The following PALS2 variants were observed in gnomAD, a reference collection of about 807,000 sequenced individuals.
PALS2 encodes the protein protein associated with LIN7 2, MAGUK p55 family member.
In PALS2, 27 loss-of-function variants were observed where a neutral mutation model predicts 61.6. That is an observed-to-expected ratio of 0.44 (90% CI 0.32 to 0.60). The LOEUF is 0.60. Ranked by LOEUF, PALS2 falls within the 20% of genes least tolerant of loss-of-function variation. The pLI is 0.05. For synonymous variants in PALS2, 236 were observed against 218.6 expected (o/e 1.08, Z -0.70); for missense variants, 554 against 639.4 (o/e 0.87, Z 1.44).
intron 1 of PALS2, among the ~76,000 whole-genome samples, chr7:24,595,459 ATAAATATATATAAATATG>A: frequency 7.2e-6 from 1 of 137,936 alleles, no homozygotes; most frequent in African/African-American, 2.7e-5. Flanking sequence ...TATAATATAT[ATAAATATATATAAATATG>A]TAAATATATA....
intron 1 of PALS2, among the ~76,000 whole-genome samples, chr7:24,586,765 A>G (rs892295018): frequency 2.0e-5 from 3 of 152,216 alleles, no homozygotes; most frequent in Admixed American, 6.5e-5. Context: ...AGAGAATGGT[A>G]GAAGAGGCTT....
At chr7:24,643,612 A>G (rs757407857) in intron 3 of PALS2, among the ~76,000 whole-genome samples, 4 of 152,124 alleles carry the variant, frequency 2.6e-5, no homozygotes, top group African/African-American at 4.8e-5. Context: ...GGTGGTTTGT[A>G]CATATAAGTG....
chr7:24,678,155 A>G (rs1034491103), intron 9 of PALS2, among the ~76,000 whole-genome samples: 1 of 152,214 alleles, frequency 6.6e-6, no homozygotes, highest in African/African-American at 2.4e-5. Context: ...TTCTTCTTCA[A>G]AGCTGTTGTT....
chr7:24,677,681 G>T (rs1016205538), intron 9 of PALS2, among the ~76,000 whole-genome samples: 1 of 152,100 alleles, frequency 6.6e-6, no homozygotes, highest in African/African-American at 2.4e-5. Flanking sequence ...CATTTATTGA[G>T]AAGTTTTATT....
chr7:24,655,037 CAT>C (rs1393295512), intron 5 of PALS2, among the ~76,000 whole-genome samples: 3 of 152,138 alleles, frequency 2.0e-5, no homozygotes, highest in African/African-American at 7.2e-5. Flanking sequence ...GTTCAGTAAA[CAT>C]ATAAAGATAT....
At chr7:24,670,874 TC>T (rs1787262442) in intron 9 of PALS2, among the ~76,000 whole-genome samples, 1 of 152,238 alleles carries the variant, frequency 6.6e-6, no homozygotes, top group Non-Finnish European at 1.5e-5. Context: ...TATTTTCTTT[TC>T]CTTGCTAAGT....
chr7:24,615,600 A>G (rs1352994175), intron 1 of PALS2, among the ~76,000 whole-genome samples: 1 of 151,940 alleles, frequency 6.6e-6, no homozygotes, highest in African/African-American at 2.4e-5. Context: ...GTAATAAAAA[A>G]AAAGACTCCC....
In PALS2 at chr7:24,687,522, G is replaced by T; in HGVS notation, c.1531G>T (p.Asp511Tyr). The change falls in exon 12 of 12, where the codon GAT (aspartate) becomes TAT (tyrosine). Residue 511 changes from aspartate to tyrosine, a missense_variant. Asp to Tyr is a radical substitution (Grantham distance 160). Coordinates refer to ENST00000222644, the MANE Select transcript of PALS2 (RefSeq NM_001303037.2). The surrounding 1 kb of genome is among the most constrained non-coding windows in gnomAD (Gnocchi z 4.5). ...NHYFDLIIIN[D>Y]NLDKAFEKLQ... ...CTATTTTGATTTGATCATCATAAAT[G>T]ATAATCTAGACAAAGCCTTTGAAAA... is the stretch of plus-strand genomic sequence containing the variant. The T allele has an allele frequency of 6.2e-7, 1 of 1,613,092 alleles. No homozygotes were observed. The highest frequency in any genetic ancestry group is 8.5e-7 in the Non-Finnish European group (1 of 1,179,680).
At position 24,592,082 on chromosome 7, in the gene PALS2, T is replaced by A. The variant is rs1783309879; in HGVS notation, c.-3+18489T>A. The stretch of plus-strand genomic sequence containing the variant: ...GAGTGTTGCTTTCTTCCACCTCAGC[T>A]GGGACTGTGCAATGTTGGGTGACTC... On this transcript the variant is annotated intron_variant, in intron 1 of 11. Transcript: ENST00000222644. 2.0e-5 allele frequency among the ~76,000 whole-genome samples: 3 copies of A among 152,108 alleles called. No homozygotes were observed. The South Asian group carries it at 6.2e-4, about 32-fold the overall frequency.
chr7:24,681,330 T>C (rs989693527), intron 11 of PALS2, among the ~76,000 whole-genome samples: 1 of 152,164 alleles, frequency 6.6e-6, no homozygotes, highest in African/African-American at 2.4e-5. Context: ...TTTCTTGTTT[T>C]AATTAGACCC....
intron 3 of PALS2, among the ~76,000 whole-genome samples, chr7:24,645,433 G>A (rs1785783236): frequency 6.6e-6 from 1 of 152,066 alleles, no homozygotes; most frequent in South Asian, 2.1e-4. Flanking sequence ...TCATAGATGT[G>A]CAGCCTTATT....
intron 9 of PALS2, among the ~76,000 whole-genome samples, chr7:24,677,449 C>G (rs1431290216): frequency 6.6e-6 from 1 of 151,716 alleles, no homozygotes; most frequent in Non-Finnish European, 1.5e-5. Context: ...TGTCTTGTGC[C>G]AGTTTTCAAA....
chr7:24,639,759 G>A (rs1583923331), intron 2 of PALS2, among the ~76,000 whole-genome samples: 1 of 136,192 alleles, frequency 7.3e-6, no homozygotes, highest in Non-Finnish European at 1.6e-5. Context: ...TGTATTATAT[G>A]TTCAGAAAAT....
intron 5 of PALS2, among the ~76,000 whole-genome samples, chr7:24,654,485 C>T (rs1324513597): frequency 4.6e-5 from 7 of 152,112 alleles, no homozygotes; most frequent in South Asian, 2.1e-4. Context: ...CATCAGCAAA[C>T]GTCTAGAAAT....
At chr7:24,582,052 A>T (rs1233991473) in intron 1 of PALS2, among the ~76,000 whole-genome samples, 1 of 152,186 alleles carries the variant, frequency 6.6e-6, no homozygotes, top group Non-Finnish European at 1.5e-5. Flanking sequence ...TGGAGTGAGA[A>T]CTTAAAAGTT....
chr7:24,663,388 G>A (rs1786840294), intron 5 of PALS2: 1 of 404,132 alleles, frequency 2.5e-6, no homozygotes. Flanking sequence ...TTAAAGTAGA[G>A]AAGAAGTTTT....
intron 2 of PALS2, among the ~76,000 whole-genome samples, chr7:24,634,376 G>A (rs533844935): frequency 6.6e-6 from 1 of 151,954 alleles, no homozygotes; most frequent in African/African-American, 2.4e-5. Context: ...GACTACAGGC[G>A]CCCGCCATCA....
chr7:24,606,078 CTAG>C (rs1783888113), intron 1 of PALS2, among the ~76,000 whole-genome samples: 1 of 152,016 alleles, frequency 6.6e-6, no homozygotes, highest in Admixed American at 6.6e-5. Context: ...GATTTCTTTC[CTAG>C]TAGTAAGCCA....
intron 11 of PALS2, among the ~76,000 whole-genome samples, chr7:24,681,961 G>C (rs1001579405): frequency 4.6e-5 from 7 of 152,144 alleles, no homozygotes; most frequent in African/African-American, 1.7e-4. Context: ...ATTTGAGTCA[G>C]TTCTGGATTG....
Sources: gnomAD v4.1 joint callset for allele counts (sites outside exome capture counted in the v4.1 genomes callset) on GRCh38, gnomAD v4.1.1 for gene constraint, Gnocchi (gnomAD v3.1) non-coding constraint, MANE v1.5 for transcripts, NCBI Gene and HGNC (gene_info 2026-07-23, HGNC 2026-07-21) for gene names.